The following KLF12 variants were observed in gnomAD, a reference collection of about 807,000 sequenced individuals.
KLF12 encodes Krueppel-like factor 12.
Under a neutral mutation model 37.8 loss-of-function variants are expected in KLF12, and 9 were observed. The observed-to-expected ratio is 0.24, with a 90% CI of 0.14 to 0.42. The LOEUF is 0.42. Ranked by LOEUF, KLF12 falls within the 10% of genes least tolerant of loss-of-function variation. The probability of loss-of-function intolerance (pLI) is 1.00; values close to 1 mark genes in which losing one functional copy is unlikely to be tolerated. For missense variants in KLF12, 411 were observed against 516.0 expected (o/e 0.80, Z 1.97); for synonymous variants, 208 against 202.1 (o/e 1.03, Z -0.25).
At chr13:74,082,219 G>C (rs1874957307) in intron 1 of KLF12, among the ~76,000 whole-genome samples, 1 of 148,558 alleles carries the variant, frequency 6.7e-6, no homozygotes, top group Non-Finnish European at 1.5e-5. Context: ...TGTAATCCCA[G>C]CTACTTGGGA....
At chr13:73,759,134 T>A (rs1045858719) in intron 6 of KLF12, among the ~76,000 whole-genome samples, 1 of 152,140 alleles carries the variant, frequency 6.6e-6, no homozygotes, top group African/African-American at 2.4e-5. Flanking sequence ...AGGTTAACGA[T>A]GACATCAACT....
At chr13:74,275,803 TTTCC>T in the KLF12 span, among the ~76,000 whole-genome samples, 10,492 of 84,540 alleles carry the variant, frequency 0.12, 698 homozygotes, top group Admixed American at 0.14. Flanking sequence ...TCTTTCTTTC[TTTCC>T]TTCTTTCTTT....
chr13:73,729,941 C>T lies in KLF12; in HGVS notation c.870-14416G>A, dbSNP rs570780658. ...TGACTCAAATTTTTGCTCAAATCTA[C>T]GACATGTGGAAGTGTAAAGCCTCCT... is the stretch of plus-strand genomic sequence containing the variant. On this transcript the variant is annotated intron_variant, in intron 6 of 7. Transcript: ENST00000377669. Among the ~76,000 whole-genome samples, 102 of 152,176 alleles carry T rather than the reference C, an allele frequency of 6.7e-4. 1 individual carries two copies. The highest frequency in any genetic ancestry group is 5.4e-3 in the Admixed American group (82 of 15,288).
chr13:73,703,315 T>C (rs1326179109), intron 7 of KLF12, among the ~76,000 whole-genome samples: 1 of 152,194 alleles, frequency 6.6e-6, no homozygotes, highest in Non-Finnish European at 1.5e-5. Flanking sequence ...CTGTTTGCTA[T>C]TTTTTCAGCA....
the KLF12 span, among the ~76,000 whole-genome samples, chr13:74,146,589 G>A: frequency 6.6e-6 from 1 of 152,182 alleles, no homozygotes; most frequent in African/African-American, 2.4e-5. Flanking sequence ...TTAAAAAACA[G>A]TCTTAATTTA....
chr13:74,252,254 G>A, the KLF12 span, among the ~76,000 whole-genome samples: 1 of 152,230 alleles, frequency 6.6e-6, no homozygotes, highest in East Asian at 1.9e-4. Flanking sequence ...GGACCCTTAG[G>A]TAGGGCTGCC....
At chr13:74,131,733 G>A (rs75344746) in intron 1 of KLF12, among the ~76,000 whole-genome samples, 4,527 of 152,222 alleles carry the variant, frequency 0.03, 218 homozygotes, top group African/African-American at 0.1. Flanking sequence ...ACATAGCCAT[G>A]TTGGTTACAT....
the KLF12 span, among the ~76,000 whole-genome samples, chr13:74,154,836 A>G: frequency 6.6e-6 from 1 of 152,220 alleles, no homozygotes; most frequent in African/African-American, 2.4e-5. Flanking sequence ...TTTAGCTTCT[A>G]TATCACTATG....
At chr13:73,874,705 T>C (rs1029107555) in intron 3 of KLF12, among the ~76,000 whole-genome samples, 3 of 152,178 alleles carry the variant, frequency 2.0e-5, no homozygotes, top group Non-Finnish European at 1.5e-5. Flanking sequence ...AGTGAAACCA[T>C]TAACTACTCC....
At chr13:73,881,407 T>C (rs1566435686) in intron 3 of KLF12, among the ~76,000 whole-genome samples, 1 of 152,148 alleles carries the variant, frequency 6.6e-6, no homozygotes, top group Non-Finnish European at 1.5e-5. Flanking sequence ...TTTCAACTTA[T>C]TTGCTCAAAA....
chr13:74,044,844 C>G (rs1367395163), intron 1 of KLF12, among the ~76,000 whole-genome samples: 1 of 140,136 alleles, frequency 7.1e-6, no homozygotes. Flanking sequence ...AACTCCATCT[C>G]AAAAACAGAA....
the KLF12 span, among the ~76,000 whole-genome samples, chr13:74,252,599 G>C: frequency 6.6e-6 from 1 of 152,188 alleles, no homozygotes; most frequent in Non-Finnish European, 1.5e-5. Context: ...AATTCTAAGA[G>C]ATTTAACCAT....
intron 3 of KLF12, among the ~76,000 whole-genome samples, chr13:73,916,526 AT>A (rs1395334740): frequency 6.6e-6 from 1 of 152,208 alleles, no homozygotes; most frequent in African/African-American, 2.4e-5. Flanking sequence ...TAATGTCATT[AT>A]GTTGAATGTA....
intron 3 of KLF12, among the ~76,000 whole-genome samples, chr13:73,895,883 T>C (rs1447783720): frequency 6.7e-6 from 1 of 149,990 alleles, no homozygotes; most frequent in Non-Finnish European, 1.5e-5. Flanking sequence ...TGCAGTGGAG[T>C]GATCTGGGCT....
At chr13:74,042,378 C>T (rs1480292829) in intron 1 of KLF12, among the ~76,000 whole-genome samples, 5 of 151,868 alleles carry the variant, frequency 3.3e-5, no homozygotes, top group African/African-American at 9.7e-5. Context: ...TAAGGTCACA[C>T]GTGCATTCAG....
intron 1 of KLF12, among the ~76,000 whole-genome samples, chr13:74,028,678 T>C (rs576785879): frequency 6.6e-6 from 1 of 152,180 alleles, no homozygotes; most frequent in East Asian, 1.9e-4. Context: ...AACATGGCTC[T>C]TATGAGGAAA....
chr13:73,919,336 C>T (rs996961737), intron 3 of KLF12, among the ~76,000 whole-genome samples: 18 of 152,086 alleles, frequency 1.2e-4, no homozygotes, highest in African/African-American at 4.1e-4. Context: ...GTTCTGACTC[C>T]TATAACAAAA....
At chr13:74,217,293 T>C in the KLF12 span, among the ~76,000 whole-genome samples, 1 of 150,932 alleles carries the variant, frequency 6.6e-6, no homozygotes, top group African/African-American at 2.5e-5. Flanking sequence ...ACCTCATTCA[T>C]TGTGGCATAA....
At chr13:73,927,190 C>G (rs1283052843) in intron 3 of KLF12, among the ~76,000 whole-genome samples, 4 of 152,122 alleles carry the variant, frequency 2.6e-5, no homozygotes, top group Admixed American at 2.0e-4. Context: ...TAAGGAGTTG[C>G]ACCATTGAGA....
Sources: gnomAD v4.1 joint callset for allele counts (sites outside exome capture counted in the v4.1 genomes callset) on GRCh38, gnomAD v4.1.1 for gene constraint, MANE v1.5 for transcripts, NCBI Gene and HGNC (gene_info 2026-07-23, HGNC 2026-07-21) for gene names.